The following JAKMIP2 variants were observed in gnomAD, a reference collection of about 807,000 sequenced individuals.
JAKMIP2 encodes the protein janus kinase and microtubule interacting protein 2, also known as janus kinase and microtubule-interacting protein 2.
In JAKMIP2, 25 loss-of-function variants were observed where a neutral mutation model predicts 115.0. The observed-to-expected ratio is 0.22, with a 90% CI of 0.16 to 0.30. JAKMIP2 has a LOEUF of 0.30. Among genes scored for constraint, JAKMIP2 ranks in the 10% least tolerant of loss-of-function variants. JAKMIP2 has a pLI of 1.00. For synonymous variants in JAKMIP2, 334 were observed against 343.6 expected (o/e 0.97, Z 0.31); for missense variants, 642 against 957.6 (o/e 0.67, Z 4.35).
At chr5:147,640,566 C>T in intron 9 of JAKMIP2, 138 bp downstream of exon 9, 2 of 811,934 alleles carry the variant, frequency 2.5e-6, no homozygotes, top group Non-Finnish European at 3.7e-6. Context: ...AAAGTGCAGC[C>T]TCAAAATTGT....
At chr5:147,745,862 T>C (rs1309671432) in intron 1 of JAKMIP2, among the ~76,000 whole-genome samples, 2 of 152,178 alleles carry the variant, frequency 1.3e-5, no homozygotes, top group Non-Finnish European at 2.9e-5. Context: ...CTCAGATTCT[T>C]CATCCATAAA....
At chr5:147,640,917 T>C in intron 8 of JAKMIP2, 94 bp from the exon 9 acceptor site, 2 of 1,072,348 alleles carry the variant, frequency 1.9e-6, no homozygotes, top group Non-Finnish European at 2.7e-6. Flanking sequence ...TGTAAGTGAA[T>C]ATAGAAGACA....
intron 4 of JAKMIP2, 114 bp from the exon 5 acceptor site, chr5:147,648,588 A>G: frequency 1.6e-6 from 1 of 635,256 alleles, no homozygotes; most frequent in Non-Finnish European, 2.8e-6. Flanking sequence ...TGGCTCCTGA[A>G]GTGAGAATAA....
At chr5:147,690,905 G>C (rs982197320) in intron 1 of JAKMIP2, among the ~76,000 whole-genome samples, 7 of 152,020 alleles carry the variant, frequency 4.6e-5, no homozygotes, top group Non-Finnish European at 1.0e-4. Context: ...ACACAGGATG[G>C]GTCCTGGGAG....
chr5:147,659,122 G>T (rs1317675644), intron 3 of JAKMIP2, among the ~76,000 whole-genome samples: 1 of 151,942 alleles, frequency 6.6e-6, no homozygotes, highest in Non-Finnish European at 1.5e-5. Flanking sequence ...GCAGCTCAGT[G>T]CCTGCTCAAA....
intron 12 of JAKMIP2, 98 bp from the exon 13 acceptor site, chr5:147,632,876 T>A (rs1757430996): frequency 1.4e-6 from 1 of 693,764 alleles, no homozygotes; most frequent in East Asian, 2.6e-5. Flanking sequence ...GAATAAGTCT[T>A]CCAGACCATG....
At chr5:147,631,559 A>G (rs754904424) in intron 13 of JAKMIP2, 48 bp from the exon 14 acceptor site, 1 of 1,192,256 alleles carries the variant, frequency 8.4e-7, no homozygotes, top group South Asian at 1.3e-5. Context: ...AAAACTGATT[A>G]ATTAAACACT....
At chr5:147,684,982 T>G (rs1049593865) in intron 1 of JAKMIP2, among the ~76,000 whole-genome samples, 9 of 152,316 alleles carry the variant, frequency 5.9e-5, no homozygotes, top group Non-Finnish European at 1.2e-4. Context: ...TAGAGAGCAC[T>G]TAGTGTGTGC....
At chr5:147,728,681 A>G (rs1008564557) in intron 1 of JAKMIP2, among the ~76,000 whole-genome samples, 6 of 152,250 alleles carry the variant, frequency 3.9e-5, no homozygotes, top group African/African-American at 1.4e-4. Flanking sequence ...CTTTTAGTTC[A>G]CATGACTTAA....
At chr5:147,648,714 TCC>T (rs1183993745) in intron 4 of JAKMIP2, among the ~76,000 whole-genome samples, 1 of 152,168 alleles carries the variant, frequency 6.6e-6, no homozygotes, top group South Asian at 2.1e-4. Context: ...TGGCAGATAC[TCC>T]CTGGATCCAG....
intron 1 of JAKMIP2, among the ~76,000 whole-genome samples, chr5:147,710,820 A>G (rs900815896): frequency 6.6e-6 from 1 of 152,230 alleles, no homozygotes; most frequent in African/African-American, 2.4e-5. Flanking sequence ...TCTTAATTAC[A>G]TTATGCAAAT....
chr5:147,764,355 G>A (rs776789404), intron 1 of JAKMIP2, among the ~76,000 whole-genome samples: 2 of 152,066 alleles, frequency 1.3e-5, no homozygotes, highest in African/African-American at 4.8e-5. Flanking sequence ...CAGGAATTCA[G>A]ACAAGGGAGG....
rs5872030 is a variant in JAKMIP2 at position 147,588,408 on chromosome 5, C to CTTTTTTT, written c.*3292_*3298dup. The CTTTTTTT allele has an allele frequency of 1.0e-4, 14 of 133,822 alleles. No individual in the cohort carries two copies. Among genetic ancestry groups the CTTTTTTT allele is most frequent in the African/African-American group, 3.9e-4 (14 of 36,218 alleles). 8.3% of individuals were successfully genotyped at this position (133,822 alleles called of 1,614,324 possible). A position where few individuals can be genotyped will look rare whatever the true frequency, so the allele number is the denominator to read the frequency against. On this transcript the variant is annotated 3_prime_UTR_variant, in exon 22 of 22. Transcript: ENST00000616793. ...CACAGGAAATCTCAGTTATTGATAACTTTTTTTTTTTTTTTTTTGCTATTG... is the reference window on the plus strand; with the variant it reads ...CACAGGAAATCTCAGTTATTGATAACTTTTTTTTTTTTTTTTTTTTTTTTTGCTATTG...
chr5:147,764,388 G>A (rs759756137), intron 1 of JAKMIP2, among the ~76,000 whole-genome samples: 1 of 150,540 alleles, frequency 6.6e-6, no homozygotes, highest in Non-Finnish European at 1.5e-5. Context: ...GGGCTACTCT[G>A]CCAGTGAAAG....
At chr5:147,707,600 A>T (rs931808679) in intron 1 of JAKMIP2, among the ~76,000 whole-genome samples, 2 of 152,106 alleles carry the variant, frequency 1.3e-5, no homozygotes, top group African/African-American at 4.8e-5. Flanking sequence ...ATATGTAGCT[A>T]CCAGTGTTTC....
rs1437295362 is a variant in JAKMIP2 at position 147,723,624 on chromosome 5, T to G, written c.-148-51670A>C. ...AAAAGTTGATATTCCTCTTCAATAT[T>G]CACAAGATGACTCTCTTACTCTTCT... On this transcript the variant is annotated intron_variant, in intron 1 of 21. Coordinates refer to ENST00000616793, the MANE Select transcript of JAKMIP2 (RefSeq NM_001270941.2). Among the ~76,000 whole-genome samples, 3 of 152,316 alleles carry G rather than the reference T, an allele frequency of 2.0e-5. No homozygotes were observed. The East Asian group carries it at 5.8e-4, about 29-fold the overall frequency.
In JAKMIP2 at chr5:147,661,322, G is replaced by C. The variant is rs1364682402; in HGVS notation, c.253C>G (p.Leu85Val). ...ATAAGGTTCTCCCTCACAGCCTGCA[G>C]CTCCTTCATCTTCTCCTCATGGAGC... ...AKLHEEKMKE[L>V]QAVRENLIKQ... is the part of the protein sequence containing the mutation. Residue 85 changes from leucine to valine, a missense_variant, in exon 3 of 22, where the codon CTG becomes GTG. Coordinates refer to ENST00000616793, the MANE Select transcript of JAKMIP2 (RefSeq NM_001270941.2). 2 of 1,613,912 alleles carry C rather than the reference G, an allele frequency of 1.2e-6. No homozygotes were observed. The highest frequency in any genetic ancestry group is 3.3e-5 in the Admixed American group (2 of 59,998).
chr5:147,616,959 A>T (rs905280246), intron 19 of JAKMIP2, among the ~76,000 whole-genome samples: 2 of 152,086 alleles, frequency 1.3e-5, no homozygotes, highest in Non-Finnish European at 1.5e-5. Context: ...TGACCACACG[A>T]TTCTTACCGC....
At position 147,756,821 on chromosome 5, in the gene JAKMIP2, C is replaced by G. The variant is rs570551047; in HGVS notation, c.-149+25635G>C. On this transcript the variant is annotated intron_variant, in intron 1 of 21. Coordinates refer to ENST00000616793, the MANE Select transcript of JAKMIP2 (RefSeq NM_001270941.2). ...GTTAACACAGGTGCACAACAGAGAA[C>G]AAAACAGCAGAAGTGCAGAGTAGGG... 1.7e-3 allele frequency among the ~76,000 whole-genome samples: 253 copies of G among 152,116 alleles called. 2 individuals are homozygous for G. The highest frequency in any genetic ancestry group is 5.9e-3 in the African/African-American group (244 of 41,488).
Sources: allele counts gnomAD v4.1 joint callset (sites outside exome capture counted in the v4.1 genomes callset), GRCh38; gene constraint gnomAD v4.1.1; transcripts MANE v1.5; gene names NCBI Gene and HGNC (gene_info 2026-07-23, HGNC 2026-07-21).